The following MAP4 variants were observed in gnomAD, a reference collection of about 807,000 sequenced individuals.
MAP4 encodes microtubule associated protein 4.
Under a neutral mutation model 170.2 loss-of-function variants are expected in MAP4, and 76 were observed. The observed-to-expected ratio is 0.45, with a 90% confidence interval of 0.37 to 0.54. MAP4 has a LOEUF of 0.54. MAP4 is among the 20% of genes least tolerant of loss of function. The pLI is 0.00. For synonymous variants in MAP4, 909 were observed against 994.5 expected (o/e 0.91, Z 1.62); for missense variants, 2,506 against 2,748.0 (o/e 0.91, Z 1.97).
At chr3:47,942,117 T>G (rs1486882922) in intron 3 of MAP4, among the ~76,000 whole-genome samples, 2 of 152,154 alleles carry the variant, frequency 1.3e-5, no homozygotes, top group Non-Finnish European at 2.9e-5. Flanking sequence ...CCCCATTCCC[T>G]GCAGAAAGTC....
In MAP4 at chr3:47,950,924, T is replaced by C. The variant is rs186472236; in HGVS notation, c.293-22574A>G. The stretch of plus-strand genomic sequence containing the variant: ...TCCATTATTTAAAGTAGCTTTTCTA[T>C]GAACCAGCTGTGGTCTGTAACTTGA... On this transcript the variant is annotated intron_variant, in intron 3 of 20. Coordinates refer to ENST00000683076, the MANE Select transcript of MAP4 (RefSeq NM_001385682.1). 6.6e-5 allele frequency among the ~76,000 whole-genome samples: 10 copies of C among 152,312 alleles called. No homozygotes were observed. The East Asian group carries it at 1.7e-3, about 26-fold the overall frequency.
At chr3:48,046,809 T>C (rs2100124781) in intron 1 of MAP4, among the ~76,000 whole-genome samples, 1 of 152,132 alleles carries the variant, frequency 6.6e-6, no homozygotes, top group Non-Finnish European at 1.5e-5. Flanking sequence ...AAAATAAAAA[T>C]GTTAGCCGGG....
intron 2 of MAP4, among the ~76,000 whole-genome samples, chr3:47,994,413 T>C (rs2100094174): frequency 6.6e-6 from 1 of 152,188 alleles, no homozygotes; most frequent in Non-Finnish European, 1.5e-5. Flanking sequence ...CCCATCCTAA[T>C]ATTAACTTAC....
chr3:47,921,347 C>T (rs1179473480), intron 5 of MAP4, among the ~76,000 whole-genome samples: 4 of 152,136 alleles, frequency 2.6e-5, no homozygotes, highest in Admixed American at 6.5e-5. Context: ...CCCCAAAATA[C>T]GCTACTTTGG....
chr3:48,056,916 C>A (rs1172397341), intron 1 of MAP4, among the ~76,000 whole-genome samples: 1 of 140,336 alleles, frequency 7.1e-6, no homozygotes, highest in African/African-American at 2.7e-5. Flanking sequence ...CGGCCAGCCG[C>A]CCCGTCCGGG....
chr3:47,872,375 G>A (rs975221297), intron 12 of MAP4, among the ~76,000 whole-genome samples: 5 of 152,154 alleles, frequency 3.3e-5, no homozygotes, highest in African/African-American at 1.2e-4. Flanking sequence ...AGTAGAGACA[G>A]GGTTTCACCG....
chr3:47,877,501 T>TC lies in MAP4; in HGVS notation c.5456dup (p.Arg1820LysfsTer10). The stretch of plus-strand genomic sequence containing the variant: ...TTCCTGTCCCACTCACCACAGGCCT[T>TC]CCTTCTTCTGGCCTGGCTATTCCTA... On this transcript the variant is annotated frameshift_variant, in exon 11 of 21. Coordinates refer to ENST00000683076, the MANE Select transcript of MAP4 (RefSeq NM_001385682.1). LOFTEE classifies it high-confidence loss of function. 1 of 1,613,704 alleles carries TC rather than the reference T, an allele frequency of 6.2e-7. No individual in the cohort carries two copies.
chr3:48,066,143 T>C (rs1294322864), intron 1 of MAP4, among the ~76,000 whole-genome samples: 1 of 152,178 alleles, frequency 6.6e-6, no homozygotes, highest in East Asian at 1.9e-4. Flanking sequence ...TTGCTGTTGG[T>C]TAGATTCTCA....
At chr3:48,044,513 C>T (rs1391366359) in intron 1 of MAP4, among the ~76,000 whole-genome samples, 1 of 151,786 alleles carries the variant, frequency 6.6e-6, no homozygotes, top group Admixed American at 6.6e-5. Flanking sequence ...GCCTGTAATC[C>T]CAGCACTGGG....
rs375890916 is a variant in MAP4, at chr3:47,909,791, C to T, written c.4630G>A (p.Asp1544Asn). 11 of 1,614,012 alleles carry T rather than the reference C, an allele frequency of 6.8e-6. No individual in the cohort carries two copies. Among genetic ancestry groups the T allele is most frequent in the African/African-American group, 1.3e-5 (1 of 75,046 alleles). Residue 1544 changes from aspartate to asparagine, a missense_variant, in exon 9 of 21, where the codon GAT becomes AAT. Coordinates refer to ENST00000683076, the MANE Select transcript of MAP4 (RefSeq NM_001385682.1). Reference protein sequence around the residue: ...ADSMKNEAGIDEGHVIGESES... With the variant: ...ADSMKNEAGINEGHVIGESES... ...GATTCTCCTATCACATGCCCTTCATCGATCCCTGCTTCATTTTTCATGGAA... is the reference window on the plus strand; with the variant it reads ...GATTCTCCTATCACATGCCCTTCATTGATCCCTGCTTCATTTTTCATGGAA...
chr3:47,908,236 A>G (rs562982099), intron 9 of MAP4, among the ~76,000 whole-genome samples: 1 of 152,258 alleles, frequency 6.6e-6, no homozygotes, highest in South Asian at 2.1e-4. Flanking sequence ...AAACGGGGCT[A>G]CCATTTCTAA....
At chr3:48,077,705 T>G (rs1348316700) in intron 1 of MAP4, among the ~76,000 whole-genome samples, 1 of 152,072 alleles carries the variant, frequency 6.6e-6, no homozygotes, top group East Asian at 1.9e-4. Flanking sequence ...TTCTAGGTAT[T>G]TAGACAAAAA....
chr3:48,044,387 C>T (rs1288338168), intron 1 of MAP4, among the ~76,000 whole-genome samples: 1 of 151,776 alleles, frequency 6.6e-6, no homozygotes, highest in Non-Finnish European at 1.5e-5. Flanking sequence ...GATCTCCTGA[C>T]CTCGTGATCC....
At chr3:47,890,680 C>T (rs1312016799) in intron 10 of MAP4, among the ~76,000 whole-genome samples, 1 of 151,930 alleles carries the variant, frequency 6.6e-6, no homozygotes, top group South Asian at 2.1e-4. Flanking sequence ...GAGCTGAGGG[C>T]TGGGTGGATG....
At chr3:47,868,194 A>G (rs1438890594) in intron 16 of MAP4, among the ~76,000 whole-genome samples, 1 of 152,166 alleles carries the variant, frequency 6.6e-6, no homozygotes, top group Non-Finnish European at 1.5e-5. Context: ...CCCTGGCTCT[A>G]AGAGTCTGGA....
intron 18 of MAP4, 25 bp downstream of exon 18, chr3:47,857,406 A>G: frequency 6.2e-7 from 1 of 1,602,858 alleles, no homozygotes; most frequent in South Asian, 1.1e-5. Flanking sequence ...CTGGAGACCC[A>G]GTGGGCAAGG....
At chr3:47,994,917 C>T (rs2100094470) in intron 2 of MAP4, among the ~76,000 whole-genome samples, 1 of 151,320 alleles carries the variant, frequency 6.6e-6, no homozygotes, top group African/African-American at 2.4e-5. Context: ...CCACTGCACT[C>T]CAGCCTGTGC....
At chr3:47,959,639 G>A in intron 3 of MAP4, among the ~76,000 whole-genome samples, 1 of 150,976 alleles carries the variant, frequency 6.6e-6, no homozygotes, top group Admixed American at 6.6e-5. Context: ...GGAGCCTGTA[G>A]TCCCAGCTAC....
intron 3 of MAP4, among the ~76,000 whole-genome samples, chr3:47,935,105 G>T (rs2100051974): frequency 6.6e-6 from 1 of 152,180 alleles, no homozygotes; most frequent in African/African-American, 2.4e-5. Flanking sequence ...CTAAATTATT[G>T]CTAATCCTAT....
Sources: allele counts gnomAD v4.1 joint callset (sites outside exome capture counted in the v4.1 genomes callset), GRCh38; gene constraint gnomAD v4.1.1; transcripts MANE v1.5; gene names NCBI Gene and HGNC (gene_info 2026-07-23, HGNC 2026-07-21).